HDAC9: variants seen among roughly 807,000 people sequenced by gnomAD.
HDAC9 encodes histone deacetylase 9.
Under a neutral mutation model 139.4 loss-of-function variants are expected in HDAC9, and 41 were observed. That is an observed-to-expected ratio of 0.29 (90% CI 0.23 to 0.38). The LOEUF is 0.38. Ranked by LOEUF, HDAC9 falls within the 10% of genes least tolerant of loss-of-function variation. The probability of loss-of-function intolerance (pLI) is 1.00; values close to 1 mark genes in which losing one functional copy is unlikely to be tolerated. For missense variants in HDAC9, 1,147 were observed against 1,297.0 expected, an observed-to-expected ratio of 0.88 and a Z score of 1.78; for synonymous variants, 517 against 476.2, an observed-to-expected ratio of 1.09 and a Z score of -1.12.
chr7:18,124,833 C>G (rs1784556753), intron 1 of HDAC9, among the ~76,000 whole-genome samples: 1 of 152,088 alleles, frequency 6.6e-6, no homozygotes, highest in Admixed American at 6.5e-5. Context: ...TTTTCTTACA[C>G]TTCTGCCTCT....
chr7:18,135,121 T>C lies in HDAC9; in HGVS notation c.-96-27108T>C, dbSNP rs149993473. On this transcript the variant is annotated intron_variant, in intron 1 of 12. Coordinates refer to the HDAC9 transcript ENST00000417496. ...ATTTTACATCTATTTTCTCCTTAAG[T>C]TCTCACTACCTTTTTCAAGTGGATA... Among the ~76,000 whole-genome samples, 810 of 152,222 alleles carry C rather than the reference T, an allele frequency of 5.3e-3. 14 individuals carry two copies. The highest frequency in any genetic ancestry group is 9.5e-3 in the Non-Finnish European group (648 of 67,986).
In HDAC9 at chr7:18,832,325, A is replaced by G. The variant is rs534556365; in HGVS notation, c.2466+2777A>G. On this transcript the variant is annotated intron_variant, in intron 19 of 25. Transcript: ENST00000686413. The stretch of plus-strand genomic sequence containing the variant: ...TGCGTTGTTGATCAAGTACATTTAG[A>G]TCTTTATTACAAGTCCCTATACTGA... Among the ~76,000 whole-genome samples, 4 of 152,314 alleles carry G rather than the reference A, an allele frequency of 2.6e-5. No homozygotes were observed. In the South Asian group the frequency reaches 6.2e-4, roughly 24 times the overall value.
intron 1 of HDAC9, among the ~76,000 whole-genome samples, chr7:18,372,713 G>C (rs183520409): frequency 1.7e-4 from 26 of 152,250 alleles, no homozygotes; most frequent in African/African-American, 6.3e-4. Flanking sequence ...GATCTACCAG[G>C]GTTGACAGAA....
intron 1 of HDAC9, among the ~76,000 whole-genome samples, chr7:18,109,409 A>T (rs998051528): frequency 6.6e-6 from 1 of 152,160 alleles, no homozygotes; most frequent in Non-Finnish European, 1.5e-5. Flanking sequence ...GTAGTTTCTG[A>T]TGATAAGTTA....
At chr7:18,424,381 T>G (rs917717758) in intron 1 of HDAC9, among the ~76,000 whole-genome samples, 7 of 152,210 alleles carry the variant, frequency 4.6e-5, no homozygotes, top group Admixed American at 4.6e-4. Context: ...TAATTATACC[T>G]ACTTCATCAG....
intron 2 of HDAC9, among the ~76,000 whole-genome samples, chr7:18,554,327 CTTTTTTTTT>C (rs34326798): frequency 2.6e-4 from 15 of 58,332 alleles, no homozygotes; most frequent in Admixed American, 1.1e-3. Flanking sequence ...TTACAGATCA[CTTTTTTTTT>C]TTTTTTTTTT....
At chr7:18,659,996 C>T (rs73683130) in intron 11 of HDAC9, among the ~76,000 whole-genome samples, 2,657 of 152,178 alleles carry the variant, frequency 0.017, 78 homozygotes, top group African/African-American at 0.061. Flanking sequence ...AAAGGGTTAG[C>T]CCATACCAGC....
At chr7:18,902,482 T>A (rs1801819718) in intron 22 of HDAC9, among the ~76,000 whole-genome samples, 1 of 152,140 alleles carries the variant, frequency 6.6e-6, no homozygotes. Context: ...AAGAAAAGTA[T>A]GTGAGTAAAA....
chr7:18,814,171 A>G (rs548189363), intron 17 of HDAC9, among the ~76,000 whole-genome samples: 1 of 152,290 alleles, frequency 6.6e-6, no homozygotes, highest in Non-Finnish European at 1.5e-5. Context: ...TTTTCTCAGT[A>G]CCTGACACCT....
At chr7:18,718,809 A>G (rs1417247249) in intron 12 of HDAC9, among the ~76,000 whole-genome samples, 1 of 152,192 alleles carries the variant, frequency 6.6e-6, no homozygotes, top group Admixed American at 6.5e-5. Flanking sequence ...TTGCTGGGTC[A>G]TAGGGTAACT....
intron 1 of HDAC9, among the ~76,000 whole-genome samples, chr7:18,444,296 G>A (rs1319715522): frequency 2.2e-5 from 3 of 137,920 alleles, no homozygotes; most frequent in African/African-American, 2.8e-5. Context: ...CCATGATCAT[G>A]CCAATGCTGC....
At chr7:18,147,963 A>T (rs1786473344) in intron 1 of HDAC9, among the ~76,000 whole-genome samples, 1 of 152,138 alleles carries the variant, frequency 6.6e-6, no homozygotes, top group Non-Finnish European at 1.5e-5. Flanking sequence ...TAATATATAA[A>T]CTGCTACAGT....
At chr7:18,429,795 G>A (rs1290274442) in intron 1 of HDAC9, among the ~76,000 whole-genome samples, 1 of 152,160 alleles carries the variant, frequency 6.6e-6, no homozygotes, top group Non-Finnish European at 1.5e-5. Context: ...CTTCCATTGA[G>A]TAGAGAGCTG....
At chr7:18,817,007 C>G (rs1002506779) in intron 17 of HDAC9, among the ~76,000 whole-genome samples, 1 of 150,728 alleles carries the variant, frequency 6.6e-6, no homozygotes, top group East Asian at 1.9e-4. Context: ...TATAAATAAA[C>G]GACTTAATAT....
At chr7:18,945,425 T>C (rs371000241) in intron 23 of HDAC9, among the ~76,000 whole-genome samples, 3 of 152,350 alleles carry the variant, frequency 2.0e-5, no homozygotes, top group African/African-American at 7.2e-5. Context: ...TTTCATGTGT[T>C]GAAATATCTT....
intron 22 of HDAC9, among the ~76,000 whole-genome samples, chr7:18,885,555 G>T (rs1190240171): frequency 2.0e-5 from 3 of 152,076 alleles, no homozygotes; most frequent in African/African-American, 4.8e-5. Flanking sequence ...GAAAAATTAA[G>T]TAACTATGCT....
intron 1 of HDAC9, among the ~76,000 whole-genome samples, chr7:18,420,078 TAAAC>T (rs1789478191): frequency 2.0e-5 from 3 of 152,216 alleles, no homozygotes; most frequent in Admixed American, 2.0e-4. Context: ...CTGTGTGAGA[TAAAC>T]AAAACTCATA....
intron 1 of HDAC9, among the ~76,000 whole-genome samples, chr7:18,100,661 G>T (rs1782789603): frequency 6.6e-6 from 1 of 152,156 alleles, no homozygotes; most frequent in Admixed American, 6.5e-5. Context: ...ATATGGAATA[G>T]ATTCATAATA....
intron 19 of HDAC9, among the ~76,000 whole-genome samples, chr7:18,830,514 C>A (rs1795783685): frequency 6.6e-6 from 1 of 152,152 alleles, no homozygotes; most frequent in Non-Finnish European, 1.5e-5. Flanking sequence ...ATAATTAAAT[C>A]TTATTGGAAG....
Sources: gnomAD v4.1 joint callset for allele counts (sites outside exome capture counted in the v4.1 genomes callset) on GRCh38, gnomAD v4.1.1 for gene constraint, MANE v1.5 for transcripts, NCBI Gene and HGNC (gene_info 2026-07-23, HGNC 2026-07-21) for gene names.